The following FARSB variants were observed in gnomAD, a reference collection of about 807,000 sequenced individuals.
The protein encoded by FARSB is phenylalanine--tRNA ligase beta subunit.
A neutral mutation model predicts 69.6 loss-of-function variants in FARSB; 40 were observed. The ratio of observed to expected loss-of-function variants is 0.57; its 90% CI spans 0.45 to 0.75. The LOEUF (loss-of-function observed/expected upper bound fraction) is 0.75. FARSB is among the 30% of genes least tolerant of loss of function. The probability of loss-of-function intolerance (pLI) is 0.00; values close to 1 mark genes in which losing one functional copy is unlikely to be tolerated. For missense variants in FARSB, 632 were observed against 722.9 expected (o/e 0.87, Z 1.44); for synonymous variants, 235 against 247.2 (o/e 0.95, Z 0.46).
At chr2:222,637,450 A>C (rs1161601397) in intron 5 of FARSB, among the ~76,000 whole-genome samples, 1 of 152,218 alleles carries the variant, frequency 6.6e-6, no homozygotes, top group Non-Finnish European at 1.5e-5. Context: ...TGGTGAGCTC[A>C]GTATTGATCA....
chr2:222,629,561 C>G (rs1323482036), intron 9 of FARSB, among the ~76,000 whole-genome samples: 1 of 152,144 alleles, frequency 6.6e-6, no homozygotes, highest in African/African-American at 2.4e-5. Flanking sequence ...CTCCATGAAG[C>G]CTTCTCAGAT....
At chr2:222,655,416 T>C (rs918424260) in intron 1 of FARSB, among the ~76,000 whole-genome samples, 2 of 152,180 alleles carry the variant, frequency 1.3e-5, no homozygotes, top group African/African-American at 4.8e-5. Flanking sequence ...CAACACCTTT[T>C]CTTTCCTTGA....
intron 5 of FARSB, among the ~76,000 whole-genome samples, chr2:222,635,771 A>T (rs916044284): frequency 2.0e-5 from 3 of 152,246 alleles, no homozygotes; most frequent in African/African-American, 7.2e-5. Context: ...AAAAGACACC[A>T]TAAAAATTAT....
intron 11 of FARSB, 51 bp from the exon 12 acceptor site, chr2:222,624,530 GT>G (rs3214770): frequency 0.34 from 428,906 of 1,272,402 alleles, 76,565 homozygotes; most frequent in Non-Finnish European, 0.37. Flanking sequence ...TTTTTTTAAT[GT>G]TTACATTGTG....
At chr2:222,592,576 C>T (rs1041025842) in intron 16 of FARSB, among the ~76,000 whole-genome samples, 2 of 151,494 alleles carry the variant, frequency 1.3e-5, no homozygotes, top group African/African-American at 4.9e-5. Flanking sequence ...CTTTCAGGAC[C>T]CGGGCCCTTG....
intron 5 of FARSB, among the ~76,000 whole-genome samples, chr2:222,635,952 C>CA (rs1440898232): frequency 1.3e-5 from 2 of 151,568 alleles, no homozygotes; most frequent in Non-Finnish European, 2.9e-5. Flanking sequence ...TGGTGCCACA[C>CA]ACTTGTGGTC....
chr2:222,620,110 C>T (rs1691101453), intron 13 of FARSB, among the ~76,000 whole-genome samples: 1 of 152,134 alleles, frequency 6.6e-6, no homozygotes, highest in African/African-American at 2.4e-5. Context: ...CCAATCTAAT[C>T]TCCCATGATG....
intron 1 of FARSB, among the ~76,000 whole-genome samples, chr2:222,652,773 A>T (rs553860771): frequency 6.6e-6 from 1 of 152,356 alleles, no homozygotes; most frequent in South Asian, 2.1e-4. Context: ...CAGCTAAGCC[A>T]GTCCCCAATT....
rs992192880 is a variant in FARSB at position 222,568,326 on chromosome 2, T to G, written c.*3545A>C. The G allele has an allele frequency of 3.3e-5, 5 of 152,198 alleles. No individual in the cohort carries two copies. Among genetic ancestry groups the G allele is most frequent in the African/African-American group, 1.2e-4 (5 of 41,452 alleles). The allele number at this position is 152,198 out of a possible 1,614,324, so 9.4% of individuals were successfully genotyped here. ...AGTGTAGAAAGTCCCATTATTTACT[T>G]TCGCATAAATAAGTAAATAATGCAA... On this transcript the variant is annotated 3_prime_UTR_variant, in exon 17 of 17. Coordinates refer to ENST00000281828, the MANE Select transcript of FARSB (RefSeq NM_005687.5). This position sits in a 1 kb window ranked among gnomAD's most constrained non-coding sequence, Gnocchi z 4.3.
At chr2:222,628,502 A>G (rs1691333663) in intron 10 of FARSB, among the ~76,000 whole-genome samples, 1 of 152,236 alleles carries the variant, frequency 6.6e-6, no homozygotes. Flanking sequence ...AGAATAAATC[A>G]TAGGAATTAT....
rs1692161596 is a variant in FARSB at position 222,655,888 on chromosome 2, C to G, written c.58+128G>C. 6.8e-6 allele frequency: 5 copies of G among 733,238 alleles called. No individual in the cohort carries two copies. The Admixed American group carries it at 1.2e-4, about 17-fold the overall frequency. 45.4% of individuals were successfully genotyped at this position (733,238 alleles called of 1,614,324 possible). Reference sequence around the variant, plus strand: ...GGACCGCCACCATCATCGGCCTTCCCGCGTAAACCCCGGCCTCCCGGAGCC... The same window carrying G: ...GGACCGCCACCATCATCGGCCTTCCGGCGTAAACCCCGGCCTCCCGGAGCC... On this transcript the variant is annotated intron_variant, in intron 1 of 16. Transcript: ENST00000281828.
At chr2:222,614,326 G>A (rs1404107243) in intron 14 of FARSB, among the ~76,000 whole-genome samples, 1 of 152,082 alleles carries the variant, frequency 6.6e-6, no homozygotes, top group Non-Finnish European at 1.5e-5. Flanking sequence ...CACAATCATA[G>A]CTCACTGCAG....
intron 16 of FARSB, among the ~76,000 whole-genome samples, chr2:222,589,989 A>G (rs183118140): frequency 6.6e-5 from 10 of 152,318 alleles, no homozygotes; most frequent in Admixed American, 5.2e-4. Context: ...TAGAAATACC[A>G]TTTGACCCAG....
chr2:222,583,429 A>G (rs1266910249), intron 16 of FARSB, among the ~76,000 whole-genome samples: 1 of 152,232 alleles, frequency 6.6e-6, no homozygotes, highest in Non-Finnish European at 1.5e-5. Context: ...ACTTCATAGC[A>G]TGCATTGGGA....
chr2:222,626,663 A>T (rs1691283423), intron 10 of FARSB, among the ~76,000 whole-genome samples: 1 of 152,232 alleles, frequency 6.6e-6, no homozygotes, highest in African/African-American at 2.4e-5. Flanking sequence ...GAGAAGAGTG[A>T]ACCAAATATT....
chr2:222,597,957 A>G (rs1690463856), intron 16 of FARSB, among the ~76,000 whole-genome samples: 1 of 152,190 alleles, frequency 6.6e-6, no homozygotes, highest in Admixed American at 6.5e-5. Context: ...CAAGACTCCA[A>G]ATATAGTTTC....
At chr2:222,644,984 CAA>C (rs59437360) in intron 2 of FARSB, among the ~76,000 whole-genome samples, 24 of 136,742 alleles carry the variant, frequency 1.8e-4, no homozygotes, top group Admixed American at 3.7e-4. Flanking sequence ...AATTCCTTTG[CAA>C]AAAAAAAAAA....
chr2:222,640,395 G>A (rs1162209166), intron 4 of FARSB, among the ~76,000 whole-genome samples: 2 of 151,070 alleles, frequency 1.3e-5, no homozygotes, highest in Non-Finnish European at 3.0e-5. Flanking sequence ...GAAGCTGCAG[G>A]GGAAGGATCC....
intron 13 of FARSB, among the ~76,000 whole-genome samples, chr2:222,621,085 T>C (rs760538428): frequency 2.6e-5 from 4 of 152,238 alleles, no homozygotes; most frequent in Non-Finnish European, 5.9e-5. Flanking sequence ...TGATTAATTA[T>C]GAAATGCAAC....
Sources: gnomAD v4.1 joint callset for allele counts (sites outside exome capture counted in the v4.1 genomes callset) on GRCh38, gnomAD v4.1.1 for gene constraint, Gnocchi (gnomAD v3.1) non-coding constraint, MANE v1.5 for transcripts, NCBI Gene and HGNC (gene_info 2026-07-23, HGNC 2026-07-21) for gene names.